LRRC1: variants seen among roughly 807,000 people sequenced by gnomAD.
The protein encoded by LRRC1 is leucine-rich repeat-containing protein 1.
A neutral mutation model predicts 69.9 loss-of-function variants in LRRC1; 28 were observed. The observed-to-expected ratio is 0.40, with a 90% CI of 0.30 to 0.55. LRRC1 has a LOEUF of 0.55. LRRC1 is among the 20% of genes least tolerant of loss of function. LRRC1 has a pLI of 0.47. For synonymous variants in LRRC1, 236 were observed against 240.2 expected (o/e 0.98, Z 0.16); for missense variants, 498 against 609.0 (o/e 0.82, Z 1.92).
At chr6:53,871,253 G>A (rs1351639823) in intron 2 of LRRC1, among the ~76,000 whole-genome samples, 6 of 152,154 alleles carry the variant, frequency 3.9e-5, no homozygotes, top group Non-Finnish European at 7.4e-5. Context: ...ATTCCCATCA[G>A]CAGTGTGTAA....
chr6:53,840,698 T>G (rs1021228095), intron 1 of LRRC1, among the ~76,000 whole-genome samples: 4 of 152,196 alleles, frequency 2.6e-5, no homozygotes, highest in Non-Finnish European at 4.4e-5. Context: ...TGGGATTCTT[T>G]TATCAATGCT....
chr6:53,890,894 T>C (rs1000874187), intron 4 of LRRC1, among the ~76,000 whole-genome samples: 2 of 152,238 alleles, frequency 1.3e-5, no homozygotes, highest in African/African-American at 4.8e-5. Context: ...TCTACCTTAA[T>C]GTGTTTTACT....
In LRRC1 at chr6:53,870,242, A is replaced by C. The variant is rs1257519451; in HGVS notation, c.278-8751A>C. Among the ~76,000 whole-genome samples, 5 of 151,906 alleles carry C rather than the reference A, an allele frequency of 3.3e-5. No individual in the cohort carries two copies. In the East Asian group the frequency reaches 9.6e-4, roughly 29 times the overall value. ...ATTTCTTACAGCCACCATTCATGTG[A>C]TTTCTCGGTTGGCCCATCTTCTCAG... On this transcript the variant is annotated intron_variant, in intron 2 of 13. Coordinates refer to ENST00000370888, the MANE Select transcript of LRRC1 (RefSeq NM_018214.5).
chr6:53,915,261 A>G (rs2127442005), intron 11 of LRRC1, among the ~76,000 whole-genome samples: 1 of 152,230 alleles, frequency 6.6e-6, no homozygotes, highest in East Asian at 1.9e-4. Flanking sequence ...TACTCTTGCT[A>G]ATGGATTATA....
rs530037210 is a variant in LRRC1, at chr6:53,840,597, T to C, written c.160-1513T>C. Among the ~76,000 whole-genome samples, 33 of 152,246 alleles carry C rather than the reference T, an allele frequency of 2.2e-4. No individual in the cohort carries two copies. The Middle Eastern group carries it at 0.02, about 94-fold the overall frequency. ...TACCTTGTGAACCGGTCCATTAGTT[T>C]TCCTCTCTTTTTTTCTCCCACTTTC... On this transcript the variant is annotated intron_variant, in intron 1 of 13. Transcript: ENST00000370888.
At chr6:53,862,693 C>T (rs1241781111) in intron 2 of LRRC1, among the ~76,000 whole-genome samples, 1 of 152,174 alleles carries the variant, frequency 6.6e-6, no homozygotes, top group Non-Finnish European at 1.5e-5. Context: ...CCATGCCGCT[C>T]AGCCTGTGTA....
At chr6:53,919,706 C>T (rs1768680829) in intron 12 of LRRC1, 36 bp downstream of exon 12, 2 of 1,583,118 alleles carry the variant, frequency 1.3e-6, no homozygotes, top group Non-Finnish European at 1.7e-6. Context: ...CACAGGGCCA[C>T]GAGATTGAGT....
At chr6:53,802,050 C>T (rs1424085831) in intron 1 of LRRC1, among the ~76,000 whole-genome samples, 2 of 152,194 alleles carry the variant, frequency 1.3e-5, no homozygotes, top group African/African-American at 2.4e-5. Flanking sequence ...GAAACTCCTG[C>T]AACATGTGTG....
chr6:53,873,489 CAG>C (rs1277785934), intron 2 of LRRC1, among the ~76,000 whole-genome samples: 1 of 148,058 alleles, frequency 6.8e-6, no homozygotes, highest in Non-Finnish European at 1.5e-5. Flanking sequence ...TTAGTGGAGA[CAG>C]GGTTTCACTG....
rs765579727 is a variant in LRRC1 at position 53,882,957 on chromosome 6, C to T, written c.427C>T (p.Leu143=). The change falls in exon 4 of 14, where the codon CTA becomes TTA. Residue 143 remains leucine (L), a synonymous_variant. Transcript: ENST00000370888. ...TGTAAATGACATCTCACTACAGTCTCTACCTGAAAATATTGGCAAGTAAGT... is the reference window on the plus strand; with the variant it reads ...TGTAAATGACATCTCACTACAGTCTTTACCTGAAAATATTGGCAAGTAAGT... The part of the protein sequence containing the change: ...LSVNDISLQS[L]PENIGNLYNL... 3 of 1,609,736 alleles carry T rather than the reference C, an allele frequency of 1.9e-6. No individual in the cohort carries two copies. Among genetic ancestry groups the T allele is most frequent in the Admixed American group, 3.4e-5 (2 of 59,288 alleles).
At chr6:53,874,040 G>A (rs563899913) in intron 2 of LRRC1, among the ~76,000 whole-genome samples, 112 of 152,248 alleles carry the variant, frequency 7.4e-4, no homozygotes, top group Non-Finnish European at 1.1e-3. Context: ...ATGGCATGGC[G>A]CGGCCTTGCT....
intron 1 of LRRC1, among the ~76,000 whole-genome samples, chr6:53,808,602 G>T (rs1442290495): frequency 6.6e-6 from 1 of 152,032 alleles, no homozygotes; most frequent in African/African-American, 2.4e-5. Context: ...ACATGGAGAG[G>T]GTAAATAACT....
At chr6:53,795,570 A>G (rs1764272860) in intron 1 of LRRC1, among the ~76,000 whole-genome samples, 155 bp downstream of exon 1, 1 of 151,964 alleles carries the variant, frequency 6.6e-6, no homozygotes, top group Non-Finnish European at 1.5e-5. Context: ...CTGTCTCTTT[A>G]CTTCCATCCT....
rs187088414 is a variant in LRRC1, at chr6:53,908,903, T to G, written c.990+4441T>G. On this transcript the variant is annotated intron_variant, in intron 10 of 13. Transcript: ENST00000370888. ...GAAACAATTTCAGCCTCATCAGTATTCACAAAAAAATTTAATAATGCCAAA... is the reference window on the plus strand; with the variant it reads ...GAAACAATTTCAGCCTCATCAGTATGCACAAAAAAATTTAATAATGCCAAA... 1.3e-4 allele frequency among the ~76,000 whole-genome samples: 20 copies of G among 152,326 alleles called. No individual in the cohort carries two copies. The East Asian group carries it at 3.9e-3, about 29-fold the overall frequency.
intron 1 of LRRC1, among the ~76,000 whole-genome samples, chr6:53,804,941 A>T (rs1189475486): frequency 6.6e-6 from 1 of 152,242 alleles, no homozygotes; most frequent in Non-Finnish European, 1.5e-5. Context: ...GAAAATAAAG[A>T]CATGGGCTAC....
intron 4 of LRRC1, among the ~76,000 whole-genome samples, chr6:53,894,050 T>C (rs1291735010): frequency 2.6e-5 from 4 of 152,366 alleles, no homozygotes; most frequent in Non-Finnish European, 5.9e-5. Context: ...GTAAGACTTA[T>C]GTATATACCT....
chr6:53,868,306 C>T (rs1467960928), intron 2 of LRRC1, among the ~76,000 whole-genome samples: 1 of 151,200 alleles, frequency 6.6e-6, no homozygotes, highest in Admixed American at 6.6e-5. Flanking sequence ...ACGGCAACCT[C>T]TGCCTCCCGC....
chr6:53,859,766 A>G (rs1766436211), intron 2 of LRRC1, among the ~76,000 whole-genome samples: 1 of 152,184 alleles, frequency 6.6e-6, no homozygotes, highest in Admixed American at 6.5e-5. Context: ...GACTTTTTAT[A>G]ATGACTATAT....
intron 10 of LRRC1, among the ~76,000 whole-genome samples, chr6:53,906,960 A>C (rs1458962603): frequency 6.6e-6 from 1 of 152,232 alleles, no homozygotes. Flanking sequence ...CCCTCGGATC[A>C]CAGTTTGCTG....
Sources: allele counts gnomAD v4.1 joint callset (sites outside exome capture counted in the v4.1 genomes callset), GRCh38; gene constraint gnomAD v4.1.1; transcripts MANE v1.5; gene names NCBI Gene and HGNC (gene_info 2026-07-23, HGNC 2026-07-21).